FNIP1: variants seen among roughly 807,000 people sequenced by gnomAD.
The protein encoded by FNIP1 is folliculin interacting protein 1.
FNIP1 carries 40 observed loss-of-function variants against 124.5 expected under a neutral mutation model. The ratio of observed to expected loss-of-function variants is 0.32; its 90% CI spans 0.25 to 0.42. FNIP1 has a LOEUF of 0.42. FNIP1 is among the 10% of genes least tolerant of loss of function. The probability of loss-of-function intolerance (pLI) is 1.00; values close to 1 mark genes in which losing one functional copy is unlikely to be tolerated. For missense variants in FNIP1, 1,176 were observed against 1,403.7 expected, an observed-to-expected ratio of 0.84 and a Z score of 2.59; for synonymous variants, 472 against 470.6, an observed-to-expected ratio of 1.00 and a Z score of -0.04.
At chr5:131,730,706 C>G (rs1048377123) in intron 3 of FNIP1, among the ~76,000 whole-genome samples, 198 bp downstream of exon 3, 1 of 152,158 alleles carries the variant, frequency 6.6e-6, no homozygotes, top group Non-Finnish European at 1.5e-5. Context: ...CTCATGCAAT[C>G]TATGCCTATA....
At chr5:131,661,370 C>T (rs1480050189) in intron 15 of FNIP1, among the ~76,000 whole-genome samples, 1 of 152,002 alleles carries the variant, frequency 6.6e-6, no homozygotes, top group African/African-American at 2.4e-5. Context: ...ACAGGTTTGA[C>T]CTGGGGTGAC....
chr5:131,794,673 C>A (rs115497620), intron 1 of FNIP1, among the ~76,000 whole-genome samples: 1,731 of 152,252 alleles, frequency 0.011, 23 homozygotes, highest in African/African-American at 0.039. Context: ...TGGCTCATCC[C>A]TGTAAGCCCA....
chr5:131,729,671 G>C (rs1170198908), intron 3 of FNIP1, among the ~76,000 whole-genome samples: 1 of 152,098 alleles, frequency 6.6e-6, no homozygotes, highest in African/African-American at 2.4e-5. Flanking sequence ...TAGAACTTCT[G>C]GGCTCAAGCA....
At chr5:131,675,929 G>A (rs757384684) in intron 13 of FNIP1, among the ~76,000 whole-genome samples, 62 of 152,058 alleles carry the variant, frequency 4.1e-4, no homozygotes, top group Admixed American at 8.5e-4. Context: ...GCATGATCTC[G>A]GCTCATTGCA....
intron 2 of FNIP1, among the ~76,000 whole-genome samples, chr5:131,738,116 C>G (rs1479698315): frequency 1.3e-5 from 2 of 150,892 alleles, no homozygotes; most frequent in Non-Finnish European, 3.0e-5. Context: ...CCAGGCTGGC[C>G]TCAAATTCCT....
At chr5:131,677,097 G>C (rs139662516) in intron 13 of FNIP1, among the ~76,000 whole-genome samples, 112 of 152,292 alleles carry the variant, frequency 7.4e-4, no homozygotes, top group South Asian at 6.0e-3. Context: ...TTTAAAGTAT[G>C]TATCATCTAC....
At position 131,796,923 on chromosome 5, in the gene FNIP1, C is replaced by A. The variant is rs781724856; in HGVS notation, c.-2G>T. 49 of 1,601,160 alleles carry A rather than the reference C, an allele frequency of 3.1e-5. No homozygotes were observed. Among genetic ancestry groups the A allele is most frequent in the Non-Finnish European group, 4.0e-5 (47 of 1,174,662 alleles). On this transcript the variant is annotated 5_prime_UTR_variant, in exon 1 of 18. Coordinates refer to ENST00000510461, the MANE Select transcript of FNIP1 (RefSeq NM_133372.3). ...CTTCTGGAACAGCGTAGGGGCCATGCTAGCCACGGCCAGGCAGGGGTCGCT... is the reference window on the plus strand; with the variant it reads ...CTTCTGGAACAGCGTAGGGGCCATGATAGCCACGGCCAGGCAGGGGTCGCT...
At chr5:131,752,793 C>T (rs2108870) in intron 1 of FNIP1, among the ~76,000 whole-genome samples, 96,805 of 152,078 alleles carry the variant, frequency 0.64, 32,850 homozygotes, top group Non-Finnish European at 0.77. Flanking sequence ...CACGGCCGGG[C>T]GCGGTGGCTC....
chr5:131,671,566 T>C lies in FNIP1; in HGVS notation c.2878A>G (p.Ser960Gly). Residue 960 changes from serine (S) to glycine (G), a missense_variant, in exon 14 of 18, where the codon AGC becomes GGC. Physicochemically the swap from Ser to Gly is moderately conservative, Grantham distance 56. This residue lies in a region of FNIP1 where 1,109 missense variants were observed against 1,288.5 expected (regional missense o/e 0.86). Transcript: ENST00000510461. ...TCTTGCTCTCCTCCATAATAACTGC[T>C]AACTTGTCTAGTCATATCATGACCT... ...DTGHDMTRQVSSYYGGEQEDW... is the reference protein window; with the variant it reads ...DTGHDMTRQVGSYYGGEQEDW... 1 of 1,613,586 alleles carries C rather than the reference T, an allele frequency of 6.2e-7. No homozygotes were observed.
intron 1 of FNIP1, among the ~76,000 whole-genome samples, chr5:131,766,075 C>T (rs1303517919): frequency 6.6e-6 from 1 of 151,824 alleles, no homozygotes; most frequent in Non-Finnish European, 1.5e-5. Context: ...ATTAATATTC[C>T]CTTTCCTCTA....
intron 1 of FNIP1, among the ~76,000 whole-genome samples, chr5:131,787,881 TG>T (rs1332667447): frequency 6.6e-6 from 1 of 151,922 alleles, no homozygotes; most frequent in African/African-American, 2.4e-5. Flanking sequence ...GAGGCCAACG[TG>T]GGACCACTGC....
At chr5:131,742,126 A>G (rs1383014226) in intron 2 of FNIP1, among the ~76,000 whole-genome samples, 1 of 152,184 alleles carries the variant, frequency 6.6e-6, no homozygotes, top group East Asian at 1.9e-4. Flanking sequence ...ACTCATGGCG[A>G]CATTATGTTC....
rs2149564193 is a variant in FNIP1 at position 131,749,440 on chromosome 5, T to C, written c.93-4750A>G. The stretch of plus-strand genomic sequence containing the variant: ...TGCAGTCTCAGTCTATCGTCCAGGC[T>C]GAAGTGCAGTGGTGCGATTTTGGCT... On this transcript the variant is annotated intron_variant, in intron 1 of 17. Transcript: ENST00000510461. 1.3e-5 allele frequency among the ~76,000 whole-genome samples: 2 copies of C among 151,184 alleles called. 1 individual carries two copies. Among genetic ancestry groups the C allele is most frequent in the South Asian group, 4.2e-4 (2 of 4,762 alleles).
rs773379792 is a variant in FNIP1, at chr5:131,671,938, C to T, written c.2506G>A (p.Asp836Asn). The T allele has an allele frequency of 5.0e-6, 8 of 1,614,172 alleles. No individual in the cohort carries two copies. The highest frequency in any genetic ancestry group is 1.1e-5 in the South Asian group (1 of 91,066). Residue 836 changes from aspartate (D) to asparagine (N), a missense_variant, in exon 14 of 18, where the codon GAC (aspartate) becomes AAC (asparagine). By Grantham distance (23) the Asp-to-Asn change is conservative. Coordinates refer to ENST00000510461, the MANE Select transcript of FNIP1 (RefSeq NM_133372.3). Reference protein sequence around the residue: ...HSDPESMSLFDEYFNDDSIET... With the variant: ...HSDPESMSLFNEYFNDDSIET... Reference sequence around the variant, plus strand: ...ATTGAATCATCATTAAAATATTCGTCGAATAAGCTCATGCTTTCTGGGTCT... The same window carrying T: ...ATTGAATCATCATTAAAATATTCGTTGAATAAGCTCATGCTTTCTGGGTCT...
intron 15 of FNIP1, among the ~76,000 whole-genome samples, chr5:131,663,713 G>A (rs1580735979): frequency 6.6e-6 from 1 of 152,306 alleles, no homozygotes; most frequent in Admixed American, 6.5e-5. Flanking sequence ...TATGGAGTTA[G>A]GCAGGTCCCC....
intron 1 of FNIP1, among the ~76,000 whole-genome samples, chr5:131,780,347 T>A (rs1308264022): frequency 6.6e-6 from 1 of 152,068 alleles, no homozygotes; most frequent in Non-Finnish European, 1.5e-5. Flanking sequence ...AGAAGCAAAG[T>A]CCCTGGAAGC....
chr5:131,644,890 G>A lies in FNIP1; in HGVS notation c.3423-127C>T, dbSNP rs112584629. The A allele has an allele frequency of 3.9e-4, 304 of 772,780 alleles. 1 individual carries two copies. The highest frequency in any genetic ancestry group is 5.0e-4 in the Non-Finnish European group (242 of 479,324). 47.9% of individuals were successfully genotyped at this position (772,780 alleles called of 1,614,324 possible). A position where few individuals can be genotyped will look rare whatever the true frequency, so the allele number is the denominator to read the frequency against. On this transcript the variant is annotated intron_variant, in intron 17 of 17. Transcript: ENST00000510461. ...GTTAAGGAGCTAGGCCACTCTGGCCGAAAGGAAAAATTCTCAGTAAATAAA... is the reference window on the plus strand; with the variant it reads ...GTTAAGGAGCTAGGCCACTCTGGCCAAAAGGAAAAATTCTCAGTAAATAAA...
At chr5:131,784,618 C>G (rs865829203) in intron 1 of FNIP1, among the ~76,000 whole-genome samples, 1 of 151,710 alleles carries the variant, frequency 6.6e-6, no homozygotes, top group African/African-American at 2.4e-5. Flanking sequence ...CCCAGGAGTT[C>G]GAGACCAGCC....
intron 1 of FNIP1, among the ~76,000 whole-genome samples, chr5:131,766,878 C>T (rs924226416): frequency 6.6e-6 from 1 of 151,882 alleles, no homozygotes; most frequent in African/African-American, 2.4e-5. Flanking sequence ...TTTCCTCTGC[C>T]TTTTTTTTGT....
Sources: allele counts gnomAD v4.1 joint callset (sites outside exome capture counted in the v4.1 genomes callset), GRCh38; gene constraint gnomAD v4.1.1; regional missense constraint gnomAD v4.1.1; transcripts MANE v1.5; gene names NCBI Gene and HGNC (gene_info 2026-07-23, HGNC 2026-07-21).